The following CLNK variants were observed in gnomAD, a reference collection of about 807,000 sequenced individuals.
The protein encoded by CLNK is cytokine dependent hematopoietic cell linker.
A neutral mutation model predicts 68.6 loss-of-function variants in CLNK; 74 were observed. The ratio of observed to expected loss-of-function variants is 1.08; its 90% CI spans 0.89 to 1.31. The LOEUF is 1.31. CLNK is among the 50% of genes most tolerant of loss of function. The pLI is 0.00. For missense variants in CLNK, 553 were observed against 515.3 expected, an observed-to-expected ratio of 1.07 and a Z score of -0.71; for synonymous variants, 198 against 172.2, an observed-to-expected ratio of 1.15 and a Z score of -1.17.
chr4:10,510,209 G>C (rs192830087), intron 16 of CLNK, among the ~76,000 whole-genome samples: 9 of 152,272 alleles, frequency 5.9e-5, no homozygotes, highest in African/African-American at 2.2e-4. Flanking sequence ...ACTGAACTAC[G>C]TATCTCAGAA....
At chr4:10,584,640 T>A (rs1392469254) in intron 4 of CLNK, among the ~76,000 whole-genome samples, 2 of 152,130 alleles carry the variant, frequency 1.3e-5, no homozygotes. Context: ...CTTATACCCA[T>A]TGCACAGATG....
the CLNK span, among the ~76,000 whole-genome samples, chr4:10,724,594 A>G: frequency 0.43 from 64,901 of 151,610 alleles, 14,717 homozygotes; most frequent in East Asian, 0.58. Context: ...GCAACCCTGT[A>G]TGTGTCCAAG....
intron 4 of CLNK, among the ~76,000 whole-genome samples, chr4:10,572,011 T>G (rs1257591573): frequency 5.3e-5 from 8 of 152,228 alleles, no homozygotes; most frequent in Admixed American, 1.3e-4. Flanking sequence ...AATCAAACAG[T>G]GACTTGGAGG....
intron 2 of CLNK, among the ~76,000 whole-genome samples, chr4:10,627,577 GGA>G (rs890305365): frequency 1.3e-5 from 2 of 152,272 alleles, no homozygotes; most frequent in Admixed American, 6.5e-5. Context: ...TCAAGGCCAG[GGA>G]GAGAGAGACA....
At chr4:10,689,158 C>A (rs765848662), upstream of CLNK, among the ~76,000 whole-genome samples, 3 of 150,994 alleles carry the variant, frequency 2.0e-5, no homozygotes, top group Non-Finnish European at 3.0e-5. Context: ...TCGGGGGCGA[C>A]GAGGTCTTAC....
chr4:10,677,480 G>T (rs1724919166), intron 1 of CLNK, among the ~76,000 whole-genome samples: 1 of 152,080 alleles, frequency 6.6e-6, no homozygotes, highest in African/African-American at 2.4e-5. Flanking sequence ...TAGTAATATG[G>T]TTTAGCTGTC....
chr4:10,490,038 G>A lies in CLNK; in HGVS notation c.*429C>T, dbSNP rs192834525. 72 of 160,428 alleles carry A rather than the reference G, an allele frequency of 4.5e-4. No homozygotes were observed. The highest frequency in any genetic ancestry group is 8.3e-4 in the Non-Finnish European group (61 of 73,574). The allele number at this position is 160,428 out of a possible 1,614,324, so 9.9% of individuals were successfully genotyped here. A position where few individuals can be genotyped will look rare whatever the true frequency, so the allele number is the denominator to read the frequency against. ...GCCCAACAACTGACATAAAGGCAGC[G>A]CAGTGTCCTGTAAAGAGCACAGATT... On this transcript the variant is annotated 3_prime_UTR_variant, in exon 19 of 19. Coordinates refer to ENST00000226951, the MANE Select transcript of CLNK (RefSeq NM_052964.4).
At chr4:10,595,451 T>C (rs1381750937) in intron 3 of CLNK, among the ~76,000 whole-genome samples, 1 of 152,210 alleles carries the variant, frequency 6.6e-6, no homozygotes, top group Non-Finnish European at 1.5e-5. Flanking sequence ...CACATTCATC[T>C]CAATATTGCA....
intron 1 of CLNK, among the ~76,000 whole-genome samples, chr4:10,676,559 G>T (rs1679911411): frequency 6.6e-6 from 1 of 151,896 alleles, no homozygotes; most frequent in Non-Finnish European, 1.5e-5. Flanking sequence ...AAATGATTTT[G>T]AAAACACTCT....
the CLNK span, among the ~76,000 whole-genome samples, chr4:10,716,687 T>TTTTTTTTC: frequency 1.9e-5 from 1 of 52,236 alleles, no homozygotes; most frequent in African/African-American, 4.5e-5. Flanking sequence ...GACAGAAAAC[T>TTTTTTTTC]TTTTTTTTTT....
At chr4:10,590,434 T>A (rs1398013941) in intron 3 of CLNK, among the ~76,000 whole-genome samples, 2 of 152,102 alleles carry the variant, frequency 1.3e-5, no homozygotes, top group Non-Finnish European at 2.9e-5. Context: ...GTCTCCAGGG[T>A]CAAGCTCCTG....
intron 4 of CLNK, among the ~76,000 whole-genome samples, chr4:10,575,301 C>G (rs1045644273): frequency 6.6e-6 from 1 of 152,216 alleles, no homozygotes; most frequent in Non-Finnish European, 1.5e-5. Context: ...TGCCAGCACA[C>G]CCAGCTCACG....
chr4:10,608,805 C>T (rs1428454531), intron 2 of CLNK, among the ~76,000 whole-genome samples: 1 of 152,174 alleles, frequency 6.6e-6, no homozygotes. Context: ...GAATAGCAAA[C>T]ATTTATCCCT....
intron 2 of CLNK, among the ~76,000 whole-genome samples, chr4:10,620,974 G>T (rs929689176): frequency 6.6e-6 from 1 of 151,890 alleles, no homozygotes; most frequent in Non-Finnish European, 1.5e-5. Flanking sequence ...GCCCGGCGTA[G>T]TGGTGGGCAC....
chr4:10,686,947 A>C (rs1725294500), upstream of CLNK, among the ~76,000 whole-genome samples: 1 of 152,120 alleles, frequency 6.6e-6, no homozygotes, highest in Non-Finnish European at 1.5e-5. Context: ...TATCTATTGA[A>C]TATATACCAT....
chr4:10,703,402 C>T, the CLNK span, among the ~76,000 whole-genome samples: 5 of 152,100 alleles, frequency 3.3e-5, no homozygotes, highest in African/African-American at 4.8e-5. Context: ...AGGAGAAACA[C>T]GTTTTGGGGG....
chr4:10,699,511 TA>T, the CLNK span, among the ~76,000 whole-genome samples: 59 of 35,748 alleles, frequency 1.7e-3, no homozygotes, highest in South Asian at 4.3e-3. Flanking sequence ...TATATATATA[TA>T]TTTTTTTTTT....
the CLNK span, among the ~76,000 whole-genome samples, chr4:10,694,222 C>A: frequency 6.6e-6 from 1 of 151,394 alleles, no homozygotes; most frequent in South Asian, 2.1e-4. Flanking sequence ...ATACTAGATT[C>A]CCAAATTCTA....
At chr4:10,672,796 C>T (rs763919598) in intron 1 of CLNK, among the ~76,000 whole-genome samples, 1 of 152,190 alleles carries the variant, frequency 6.6e-6, no homozygotes, top group Non-Finnish European at 1.5e-5. Context: ...ACTTGAGTGT[C>T]AGTCTATTCC....
Sources: gnomAD v4.1 joint callset for allele counts (sites outside exome capture counted in the v4.1 genomes callset) on GRCh38, gnomAD v4.1.1 for gene constraint, MANE v1.5 for transcripts, NCBI Gene and HGNC (gene_info 2026-07-23, HGNC 2026-07-21) for gene names.